The following NRXN3 variants were observed in gnomAD, a reference collection of about 807,000 sequenced individuals.
The protein encoded by NRXN3 is neurexin III.
NRXN3 carries 32 observed loss-of-function variants against 137.6 expected under a neutral mutation model. The observed-to-expected ratio is 0.23, with a 90% CI of 0.18 to 0.31. The LOEUF is 0.31. Ranked by LOEUF, NRXN3 falls within the 10% of genes least tolerant of loss-of-function variation. The probability of loss-of-function intolerance (pLI) is 1.00; values close to 1 mark genes in which losing one functional copy is unlikely to be tolerated. For missense variants in NRXN3, 1,574 were observed against 2,062.5 expected, an observed-to-expected ratio of 0.76 and a Z score of 4.59; for synonymous variants, 798 against 784.5, an observed-to-expected ratio of 1.02 and a Z score of -0.29.
intron 4 of NRXN3, among the ~76,000 whole-genome samples, chr14:78,510,059 T>TATATATATATATATATATA (rs1567797721): frequency 4.0e-5 from 6 of 148,364 alleles, no homozygotes; most frequent in African/African-American, 1.5e-4. Flanking sequence ...TATATATATA[T>TATATATATATATATATATA]TTTGGCAATG....
chr14:78,418,182 A>T (rs1242913015), intron 4 of NRXN3, among the ~76,000 whole-genome samples: 1 of 152,168 alleles, frequency 6.6e-6, no homozygotes, highest in Non-Finnish European at 1.5e-5. Flanking sequence ...GGACTGGGGA[A>T]TGTTTTACTA....
chr14:78,422,814 A>G (rs1262516520), intron 4 of NRXN3, among the ~76,000 whole-genome samples: 3 of 152,214 alleles, frequency 2.0e-5, no homozygotes, highest in African/African-American at 7.2e-5. Context: ...TGACTGGAAA[A>G]GGGCTATGAA....
intron 16 of NRXN3, among the ~76,000 whole-genome samples, chr14:79,643,949 TAATG>T: frequency 7.3e-6 from 1 of 136,060 alleles, no homozygotes; most frequent in East Asian, 2.0e-4. Flanking sequence ...ATTGTAAACT[TAATG>T]AATACCCACA....
chr14:78,677,868 CA>C (rs1394384379), intron 6 of NRXN3, among the ~76,000 whole-genome samples: 1 of 152,122 alleles, frequency 6.6e-6, no homozygotes, highest in Non-Finnish European at 1.5e-5. Context: ...CCTACACCAG[CA>C]AAAAGATTAC....
At chr14:78,237,133 G>A (rs1015451513) in intron 1 of NRXN3, among the ~76,000 whole-genome samples, 8 of 152,208 alleles carry the variant, frequency 5.3e-5, no homozygotes, top group African/African-American at 1.4e-4. Context: ...GGTGTGGAGA[G>A]CATTGATGGC....
chr14:78,572,960 C>T (rs2096903497), intron 4 of NRXN3, among the ~76,000 whole-genome samples: 1 of 152,100 alleles, frequency 6.6e-6, no homozygotes, highest in South Asian at 2.1e-4. Context: ...CCCCATGTAT[C>T]AAGGGTGAGA....
intron 4 of NRXN3, among the ~76,000 whole-genome samples, chr14:78,572,250 T>G (rs1288145493): frequency 6.6e-6 from 1 of 152,224 alleles, no homozygotes; most frequent in African/African-American, 2.4e-5. Context: ...CAGTTGCAAG[T>G]TCACTCTGTC....
intron 6 of NRXN3, among the ~76,000 whole-genome samples, chr14:78,681,153 G>A (rs1204101194): frequency 6.6e-6 from 1 of 152,100 alleles, no homozygotes; most frequent in Non-Finnish European, 1.5e-5. Context: ...TATGTGCTTG[G>A]GGCTTATGTC....
chr14:79,117,122 G>A (rs2054581049), intron 15 of NRXN3, among the ~76,000 whole-genome samples: 1 of 152,180 alleles, frequency 6.6e-6, no homozygotes. Flanking sequence ...GACACACATA[G>A]TCCTTGTCCT....
intron 4 of NRXN3, among the ~76,000 whole-genome samples, chr14:78,592,694 G>T (rs1202389890): frequency 6.6e-6 from 1 of 152,152 alleles, no homozygotes; most frequent in East Asian, 1.9e-4. Flanking sequence ...TAGCTGTTGT[G>T]CATTCTGCTC....
chr14:79,263,688 G>A (rs142990457), intron 15 of NRXN3, among the ~76,000 whole-genome samples: 6 of 152,204 alleles, frequency 3.9e-5, no homozygotes, highest in Non-Finnish European at 5.9e-5. Flanking sequence ...TCTGGGTCAC[G>A]AAGTTCTTTA....
intron 4 of NRXN3, among the ~76,000 whole-genome samples, chr14:78,343,801 G>T (rs2082398944): frequency 6.6e-6 from 1 of 152,138 alleles, no homozygotes; most frequent in African/African-American, 2.4e-5. Flanking sequence ...GACTTTAAAA[G>T]TCTCCCAACC....
chr14:79,370,954 C>G (rs888260376), intron 15 of NRXN3, among the ~76,000 whole-genome samples: 3 of 152,056 alleles, frequency 2.0e-5, no homozygotes, highest in Non-Finnish European at 4.4e-5. Context: ...AGAACCAAAA[C>G]CCAAGACTAT....
At chr14:79,314,512 T>G (rs554502411) in intron 15 of NRXN3, among the ~76,000 whole-genome samples, 6 of 35,120 alleles carry the variant, frequency 1.7e-4, no homozygotes, top group South Asian at 2.1e-3. Context: ...TTGCCCAGGC[T>G]TGCTTAGGTA....
chr14:78,914,728 C>T (rs897666664), intron 10 of NRXN3, among the ~76,000 whole-genome samples: 1 of 152,016 alleles, frequency 6.6e-6, no homozygotes, highest in Admixed American at 6.6e-5. Flanking sequence ...GTCCTGTAGG[C>T]CATTTTGAGG....
Position 78,931,298 on chromosome 14 carries a change from C to T in NRXN3, c.2276-25944C>T, listed in dbSNP as rs531616115. 3.3e-5 allele frequency among the ~76,000 whole-genome samples: 5 copies of T among 152,158 alleles called. No individual in the cohort carries two copies. In the East Asian group the frequency reaches 5.8e-4, roughly 18 times the overall value. On this transcript the variant is annotated intron_variant, in intron 10 of 20. Coordinates refer to ENST00000335750, the MANE Select transcript of NRXN3 (RefSeq NM_001330195.2). Reference sequence around the variant, plus strand: ...GAGCAGGTTGGTTGTTGGGGGCAGTCGTCTAAAGAATCAGTAACATTTGAG... The same window carrying T: ...GAGCAGGTTGGTTGTTGGGGGCAGTTGTCTAAAGAATCAGTAACATTTGAG...
chr14:79,251,078 T>C (rs1597826577), intron 15 of NRXN3, among the ~76,000 whole-genome samples: 2 of 152,136 alleles, frequency 1.3e-5, no homozygotes, highest in South Asian at 2.1e-4. Context: ...AGGACAGGGC[T>C]AGTTTGTAGA....
At chr14:79,783,372 T>C (rs1048197983) in intron 19 of NRXN3, among the ~76,000 whole-genome samples, 1 of 152,204 alleles carries the variant, frequency 6.6e-6, no homozygotes, top group East Asian at 1.9e-4. Flanking sequence ...ATGTTACAGA[T>C]TGCTTTTTTA....
intron 4 of NRXN3, among the ~76,000 whole-genome samples, chr14:78,578,340 AT>A (rs2096957944): frequency 6.6e-6 from 1 of 152,208 alleles, no homozygotes; most frequent in Non-Finnish European, 1.5e-5. Flanking sequence ...ATTTCTTGCT[AT>A]GAGTAATTGA....
Sources: allele counts gnomAD v4.1 joint callset (sites outside exome capture counted in the v4.1 genomes callset), GRCh38; gene constraint gnomAD v4.1.1; transcripts MANE v1.5; gene names NCBI Gene and HGNC (gene_info 2026-07-23, HGNC 2026-07-21).